The following ARHGEF3 variants were observed in gnomAD, a reference collection of about 807,000 sequenced individuals.
The protein encoded by ARHGEF3 is Rho guanine nucleotide exchange factor 3, also known as 59.8 kDA protein.
Under a neutral mutation model 63.2 loss-of-function variants are expected in ARHGEF3, and 28 were observed. That is an observed-to-expected ratio of 0.44 (90% CI 0.33 to 0.61). ARHGEF3 has a LOEUF of 0.61. ARHGEF3 is among the 20% of genes least tolerant of loss of function. ARHGEF3 has a pLI of 0.03. For missense variants in ARHGEF3, 533 were observed against 659.3 expected (o/e 0.81, Z 2.10); for synonymous variants, 266 against 254.2 (o/e 1.05, Z -0.44).
At chr3:56,884,508 C>T (rs540948152) in intron 3 of ARHGEF3, among the ~76,000 whole-genome samples, 22 of 152,326 alleles carry the variant, frequency 1.4e-4, no homozygotes, top group African/African-American at 4.8e-4. Flanking sequence ...AGTGGTGCAG[C>T]GTGCAGCAGA....
chr3:57,053,949 A>G (rs997105623), intron 1 of ARHGEF3, among the ~76,000 whole-genome samples: 1 of 152,262 alleles, frequency 6.6e-6, no homozygotes, highest in Non-Finnish European at 1.5e-5. Context: ...AATTATGGAT[A>G]AAGTGGCTAT....
At chr3:56,977,247 A>G (rs1445686720) in intron 2 of ARHGEF3, 1 of 456,588 alleles carries the variant, frequency 2.2e-6, no homozygotes, top group Non-Finnish European at 4.4e-6. Flanking sequence ...GAGAAAAATG[A>G]CTGTAATTAT....
Position 57,042,676 on chromosome 3 carries a change from A to G in ARHGEF3, c.-27-7500T>C, listed in dbSNP as rs1346977552. On this transcript the variant is annotated intron_variant, in intron 1 of 12. Coordinates refer to the ARHGEF3 transcript ENST00000338458. ...AATATATATATATATATATATATAT[A>G]TATATATATATATATATATATATAT... is the stretch of plus-strand genomic sequence containing the variant. 4.8e-3 allele frequency among the ~76,000 whole-genome samples: 132 copies of G among 27,684 alleles called. 5 individuals carry two copies. Among genetic ancestry groups the G allele is most frequent in the Middle Eastern group, 9.8e-3 (1 of 102 alleles). 18.2% of individuals were successfully genotyped at this position (27,684 alleles called of 152,430 possible).
At chr3:56,876,425 C>T (rs1345681999) in intron 4 of ARHGEF3, among the ~76,000 whole-genome samples, 1 of 152,172 alleles carries the variant, frequency 6.6e-6, no homozygotes, top group Admixed American at 6.5e-5. Context: ...TGTTAGTGAG[C>T]TCCAGAAGAG....
At chr3:57,011,879 T>C (rs1323594597) in intron 2 of ARHGEF3, among the ~76,000 whole-genome samples, 1 of 152,118 alleles carries the variant, frequency 6.6e-6, no homozygotes, top group Non-Finnish European at 1.5e-5. Flanking sequence ...GGGCCTCTGA[T>C]TTGCACTATG....
intron 3 of ARHGEF3, among the ~76,000 whole-genome samples, chr3:56,911,539 T>C (rs977165949): frequency 6.6e-6 from 1 of 152,076 alleles, no homozygotes; most frequent in Non-Finnish European, 1.5e-5. Flanking sequence ...GGGTCACCAC[T>C]CTGACCTTGC....
At chr3:56,933,213 A>G (rs2042458178) in intron 3 of ARHGEF3, among the ~76,000 whole-genome samples, 1 of 152,212 alleles carries the variant, frequency 6.6e-6, no homozygotes, top group Non-Finnish European at 1.5e-5. Context: ...AATTCATTCA[A>G]TAGCTTTTTG....
At chr3:56,877,530 C>T (rs556432970) in intron 4 of ARHGEF3, among the ~76,000 whole-genome samples, 1 of 152,122 alleles carries the variant, frequency 6.6e-6, no homozygotes, top group East Asian at 1.9e-4. Flanking sequence ...CATCACCATA[C>T]CTGGCTAATT....
intron 2 of ARHGEF3, among the ~76,000 whole-genome samples, chr3:56,974,151 C>T (rs1284343581): frequency 6.6e-6 from 1 of 152,182 alleles, no homozygotes; most frequent in African/African-American, 2.4e-5. Context: ...ATTTTATCCC[C>T]ACCCTCTAGA....
intron 2 of ARHGEF3, among the ~76,000 whole-genome samples, chr3:56,980,298 A>G (rs1389321206): frequency 6.6e-6 from 1 of 152,212 alleles, no homozygotes; most frequent in Admixed American, 6.5e-5. Context: ...ACATTAGCCT[A>G]CAACTGGGCA....
At chr3:57,003,401 CAAAAAAAAAAAAAAA>C in intron 2 of ARHGEF3, among the ~76,000 whole-genome samples, 1 of 43,732 alleles carries the variant, frequency 2.3e-5, no homozygotes, top group South Asian at 1.6e-3. Context: ...GACGCCGTCT[CAAAAAAAAAAAAAAA>C]AAAAAAAAAA....
At chr3:56,930,124 C>A (rs1227606038) in intron 3 of ARHGEF3, among the ~76,000 whole-genome samples, 1 of 152,126 alleles carries the variant, frequency 6.6e-6, no homozygotes, top group African/African-American at 2.4e-5. Flanking sequence ...CCCAATCTGA[C>A]AGGTACCTTA....
chr3:57,075,293 C>T (rs1045559998), intron 1 of ARHGEF3: 1 of 167,188 alleles, frequency 6.0e-6, no homozygotes, highest in Non-Finnish European at 1.5e-5. Flanking sequence ...TACTGTCCAT[C>T]TCCACCACTG....
chr3:57,008,280 C>A (rs1208638714), intron 2 of ARHGEF3, among the ~76,000 whole-genome samples: 1 of 152,112 alleles, frequency 6.6e-6, no homozygotes, highest in South Asian at 2.1e-4. Flanking sequence ...TTGGCTCAAC[C>A]GAGAATGAAG....
chr3:56,919,049 AG>A (rs1322212526), intron 3 of ARHGEF3, among the ~76,000 whole-genome samples: 1 of 152,212 alleles, frequency 6.6e-6, no homozygotes, highest in African/African-American at 2.4e-5. Flanking sequence ...AGCAGGGGTC[AG>A]GTACCTGAAA....
In ARHGEF3 at chr3:57,001,298, G is replaced by A. The variant is rs546643191; in HGVS notation, c.62+33790C>T. 2.6e-5 allele frequency among the ~76,000 whole-genome samples: 4 copies of A among 152,330 alleles called. No individual in the cohort carries two copies. The East Asian group carries it at 7.7e-4, about 29-fold the overall frequency. On this transcript the variant is annotated intron_variant, in intron 2 of 12. Coordinates refer to the ARHGEF3 transcript ENST00000338458. ...TTTAGACTTATCCACGTTGATGCAT[G>A]CAGGTGATAACTGCTCTATAGTACT...
chr3:56,859,230 C>T lies in ARHGEF3; in HGVS notation c.192+23062G>A, dbSNP rs142523790. ...TCGGCTCACTGCAAGCTCTGCCTCC[C>T]GGGTTCACGCCAATCTCCTGCCTCA... On this transcript the variant is annotated intron_variant, in intron 4 of 12. Coordinates refer to the ARHGEF3 transcript ENST00000338458. Among the ~76,000 whole-genome samples the T allele has an allele frequency of 8.7e-3, 1,317 of 151,254 alleles. 5 individuals carry two copies. Among genetic ancestry groups the T allele is most frequent in the Non-Finnish European group, 0.014 (919 of 67,756 alleles).
rs777500637 is a variant in ARHGEF3, at chr3:56,729,519, A to G, written c.1332T>C (p.Ile444=). The G allele has an allele frequency of 5.0e-6, 8 of 1,614,050 alleles. No homozygotes were observed. In the East Asian group the frequency reaches 1.8e-4, roughly 36 times the overall value. ...TFNKQQWLNC[I]RQAKETVLCA... ...ACAAAACTGTTTCTTTGGCTTGACG[A>G]ATACAGTTAAGCCACTGCTGTTTGT... The change falls in exon 10 of 10, where the codon ATT becomes ATC. Residue 444 remains isoleucine, a synonymous_variant. Transcript: ENST00000296315.
chr3:56,836,047 A>G (rs1472707004), intron 4 of ARHGEF3, among the ~76,000 whole-genome samples: 3 of 152,208 alleles, frequency 2.0e-5, no homozygotes, highest in Non-Finnish European at 4.4e-5. Flanking sequence ...TCGTGACACA[A>G]TTCAGCAGGC....
Sources: gnomAD v4.1 joint callset for allele counts (sites outside exome capture counted in the v4.1 genomes callset) on GRCh38, gnomAD v4.1.1 for gene constraint, MANE v1.5 for transcripts, NCBI Gene and HGNC (gene_info 2026-07-23, HGNC 2026-07-21) for gene names.